The following FOXP2 variants were observed in gnomAD, a reference collection of about 807,000 sequenced individuals.
FOXP2 encodes the protein forkhead box protein P2.
In FOXP2, 12 loss-of-function variants were observed where a neutral mutation model predicts 115.8. The observed-to-expected ratio is 0.10, with a 90% CI of 0.07 to 0.17. The LOEUF is 0.17. FOXP2 is among the 10% of genes least tolerant of loss of function. The pLI, the probability that FOXP2 is intolerant of heterozygous loss-of-function variation, is 1.00. For missense variants in FOXP2, 629 were observed against 843.5 expected (o/e 0.75, Z 3.15); for synonymous variants, 328 against 297.7 (o/e 1.10, Z -1.05).
chr7:114,456,634 A>G (rs913969557), intron 2 of FOXP2, among the ~76,000 whole-genome samples: 3 of 152,228 alleles, frequency 2.0e-5, no homozygotes, highest in African/African-American at 7.2e-5. Context: ...TCAATAGGGT[A>G]TGATCTTCCA....
chr7:114,588,342 A>G (rs1802257773), intron 3 of FOXP2, among the ~76,000 whole-genome samples: 1 of 151,972 alleles, frequency 6.6e-6, no homozygotes, highest in South Asian at 2.1e-4. Flanking sequence ...AAAAACAAAC[A>G]AACAAAAAAA....
intron 3 of FOXP2, among the ~76,000 whole-genome samples, chr7:114,547,083 A>T (rs570805142): frequency 1.8e-4 from 27 of 152,322 alleles, no homozygotes; most frequent in African/African-American, 6.3e-4. Flanking sequence ...TCATTAGAAG[A>T]CATGATTCAG....
chr7:114,249,661 G>A (rs968417379), intron 1 of FOXP2, among the ~76,000 whole-genome samples: 3 of 152,118 alleles, frequency 2.0e-5, no homozygotes, highest in African/African-American at 7.2e-5. Flanking sequence ...TGTGAATAGT[G>A]CTGCAGTTAA....
At chr7:114,317,251 C>G (rs1916977) in intron 2 of FOXP2, among the ~76,000 whole-genome samples, 1 of 151,972 alleles carries the variant, frequency 6.6e-6, no homozygotes, top group Non-Finnish European at 1.5e-5. Flanking sequence ...GAGACAGTCA[C>G]TGGAGCTATA....
At chr7:114,169,746 C>T (rs1584520634) in intron 1 of FOXP2, among the ~76,000 whole-genome samples, 2 of 152,216 alleles carry the variant, frequency 1.3e-5, no homozygotes, top group Admixed American at 1.3e-4. Flanking sequence ...CCAATCTTAC[C>T]TTGTAGCTCC....
intron 3 of FOXP2, among the ~76,000 whole-genome samples, chr7:114,585,071 A>G (rs565672397): frequency 2.5e-4 from 38 of 152,210 alleles, no homozygotes; most frequent in Non-Finnish European, 4.8e-4. Flanking sequence ...TGAAACTGTA[A>G]GCAATATTCA....
At chr7:114,545,556 G>C (rs1202645626) in intron 3 of FOXP2, among the ~76,000 whole-genome samples, 2 of 151,884 alleles carry the variant, frequency 1.3e-5, no homozygotes, top group Admixed American at 6.6e-5. Flanking sequence ...ACGCTCAATG[G>C]GCTTCCCTTT....
chr7:114,364,864 T>C lies in FOXP2; in HGVS notation c.-10-61638T>C, dbSNP rs566980556. On this transcript the variant is annotated intron_variant, in intron 2 of 17. Coordinates refer to the FOXP2 transcript ENST00000634411. ...GCATTCAGACATCTCTTACTCTGCA[T>C]TTATTAGTATGATTTGGGTAAAAGA... 7.2e-5 allele frequency among the ~76,000 whole-genome samples: 11 copies of C among 152,272 alleles called. No individual in the cohort carries two copies. The South Asian group carries it at 1.9e-3, about 26-fold the overall frequency.
chr7:114,677,044 T>C (rs1807810383), intron 16 of FOXP2, among the ~76,000 whole-genome samples: 1 of 151,928 alleles, frequency 6.6e-6, no homozygotes, highest in Non-Finnish European at 1.5e-5. Flanking sequence ...CGCGCGCCTG[T>C]AGTCCCAGCT....
At chr7:114,430,478 T>A (rs1426160713) in intron 2 of FOXP2, among the ~76,000 whole-genome samples, 1 of 151,826 alleles carries the variant, frequency 6.6e-6, no homozygotes, top group African/African-American at 2.4e-5. Context: ...TTTGACTAGA[T>A]GATATGTCAG....
intron 2 of FOXP2, among the ~76,000 whole-genome samples, chr7:114,359,239 T>C (rs1354750925): frequency 6.6e-6 from 1 of 152,224 alleles, no homozygotes; most frequent in Non-Finnish European, 1.5e-5. Flanking sequence ...ATGCTGAGCC[T>C]GCAAGTGCAC....
At chr7:114,682,135 G>A (rs1808116875) in intron 16 of FOXP2, among the ~76,000 whole-genome samples, 1 of 152,124 alleles carries the variant, frequency 6.6e-6, no homozygotes, top group Non-Finnish European at 1.5e-5. Flanking sequence ...TATGGGTAAA[G>A]AAATGGAGAT....
intron 1 of FOXP2, among the ~76,000 whole-genome samples, chr7:114,144,402 G>T (rs967332259): frequency 1.3e-5 from 2 of 152,046 alleles, no homozygotes; most frequent in Non-Finnish European, 1.5e-5. Context: ...TTATCTGATT[G>T]TGTGACATTT....
chr7:114,515,691 T>G (rs1798303797), intron 2 of FOXP2, among the ~76,000 whole-genome samples: 1 of 152,064 alleles, frequency 6.6e-6, no homozygotes, highest in South Asian at 2.1e-4. Flanking sequence ...TGATGGTAGT[T>G]TCTTTTGCTG....
chr7:114,352,050 T>A (rs749715135), intron 2 of FOXP2, among the ~76,000 whole-genome samples: 16 of 151,966 alleles, frequency 1.1e-4, no homozygotes, highest in Non-Finnish European at 2.1e-4. Flanking sequence ...GATGGATTGC[T>A]TGAGTCCAGG....
intron 2 of FOXP2, among the ~76,000 whole-genome samples, chr7:114,326,552 G>C (rs1022094923): frequency 9.9e-5 from 15 of 152,016 alleles, no homozygotes; most frequent in Non-Finnish European, 1.9e-4. Context: ...CTTGTTTGAG[G>C]GCACAGGGAC....
chr7:114,335,065 G>A (rs1797817996), intron 2 of FOXP2, among the ~76,000 whole-genome samples: 1 of 150,336 alleles, frequency 6.7e-6, no homozygotes, highest in Non-Finnish European at 1.5e-5. Context: ...AAAATACTGG[G>A]TGATGAGTTA....
At chr7:114,110,953 T>A (rs1013792580) in intron 1 of FOXP2, among the ~76,000 whole-genome samples, 2 of 152,098 alleles carry the variant, frequency 1.3e-5, no homozygotes, top group African/African-American at 4.8e-5. Context: ...ACTAGTATGA[T>A]CTTAGAACAC....
chr7:114,112,373 T>C (rs913126480), intron 1 of FOXP2, among the ~76,000 whole-genome samples: 1 of 152,072 alleles, frequency 6.6e-6, no homozygotes, highest in Non-Finnish European at 1.5e-5. Flanking sequence ...CTCAGCTCAC[T>C]GCAACCTTCT....
Sources: gnomAD v4.1 joint callset for allele counts (sites outside exome capture counted in the v4.1 genomes callset) on GRCh38, gnomAD v4.1.1 for gene constraint, MANE v1.5 for transcripts, NCBI Gene and HGNC (gene_info 2026-07-23, HGNC 2026-07-21) for gene names.